Variants in NCF2 observed in about 807,000 individuals in gnomAD.
The protein encoded by NCF2 is neutrophil cytosol factor 2.
A neutral mutation model predicts 70.9 loss-of-function variants in NCF2; 45 were observed. That is an observed-to-expected ratio of 0.63 (90% CI 0.50 to 0.81). The LOEUF (loss-of-function observed/expected upper bound fraction) is 0.81. NCF2 is among the 40% of genes least tolerant of loss of function. The pLI is 0.00. For synonymous variants in NCF2, 203 were observed against 233.6 expected (o/e 0.87, Z 1.19); for missense variants, 522 against 631.6 (o/e 0.83, Z 1.86).
intron 6 of NCF2, 37 bp from the exon 7 acceptor site, chr1:183,569,222 C>T: frequency 1.2e-6 from 2 of 1,602,248 alleles, no homozygotes; most frequent in Non-Finnish European, 1.7e-6. Context: ...ACGGAAAAGG[C>T]AATGAGGGAA....
rs1222090455 is a variant in NCF2, at chr1:183,577,682, T to G, written c.283A>C (p.Lys95Gln). The G allele has an allele frequency of 6.2e-7, 1 of 1,613,800 alleles. No homozygotes were observed. Among genetic ancestry groups the G allele is most frequent in the East Asian group, 2.2e-5 (1 of 44,882 alleles). ...CCTCGAAGCTGAATCAAGGCTTCTT[T>G]AAGGTCTTTGATAGCCAAATCATAT... ...EKYDLAIKDL[K>Q]EALIQLRGNQ... The change falls in exon 3 of 15, where the codon AAA becomes CAA. Residue 95 changes from lysine (K) to glutamine (Q), a missense_variant. Transcript: ENST00000367535.
intron 6 of NCF2, among the ~76,000 whole-genome samples, chr1:183,570,176 G>A (rs761778310): frequency 6.6e-5 from 10 of 152,218 alleles, no homozygotes; most frequent in African/African-American, 9.7e-5. Flanking sequence ...CACAGAGTTC[G>A]TATTTTCCTT....
upstream of NCF2, among the ~76,000 whole-genome samples, chr1:183,591,640 G>T (rs1673654534): frequency 6.6e-6 from 1 of 151,894 alleles, no homozygotes; most frequent in African/African-American, 2.4e-5. Flanking sequence ...CTGCCACCAC[G>T]CCCTGCTAAT....
At chr1:183,592,467 T>C (rs964164104), upstream of NCF2, among the ~76,000 whole-genome samples, 1 of 152,214 alleles carries the variant, frequency 6.6e-6, no homozygotes, top group African/African-American at 2.4e-5. Context: ...AATTTATCTC[T>C]TTATCTGCTC....
intron 1 of NCF2, among the ~76,000 whole-genome samples, chr1:183,589,842 T>A (rs756205976): frequency 6.6e-6 from 1 of 152,186 alleles, no homozygotes; most frequent in African/African-American, 2.4e-5. Context: ...CAGAAGGAGT[T>A]CTGTGTAGAA....
chr1:183,580,877 G>A (rs1673030245), intron 2 of NCF2, among the ~76,000 whole-genome samples: 1 of 151,856 alleles, frequency 6.6e-6, no homozygotes, highest in South Asian at 2.1e-4. Flanking sequence ...TACTCAGGAG[G>A]GTGAGGCAGG....
At chr1:183,558,563 C>T (rs915258320) in intron 14 of NCF2, among the ~76,000 whole-genome samples, 14 of 149,732 alleles carry the variant, frequency 9.4e-5, no homozygotes, top group African/African-American at 2.5e-4. Context: ...CCACTGCACC[C>T]GGCCTATTTT....
chr1:183,589,957 C>T (rs925147870), intron 1 of NCF2, among the ~76,000 whole-genome samples, 199 bp downstream of exon 1: 2 of 152,144 alleles, frequency 1.3e-5, no homozygotes, highest in Non-Finnish European at 2.9e-5. Flanking sequence ...CCCTCACCTG[C>T]TCTCCACCTG....
chr1:183,573,292 T>C lies in NCF2; in HGVS notation c.502A>G (p.Lys168Glu). 3 of 1,613,640 alleles carry C rather than the reference T, an allele frequency of 1.9e-6. No individual in the cohort carries two copies. Among genetic ancestry groups the C allele is most frequent in the African/African-American group, 1.3e-5 (1 of 75,024 alleles). ...ACCACTGGCTCATATAGCTTCTGCT[T>C]CTGTAACACAGAAAACGTAGCATTC... Reference protein sequence around the residue: ...KIDKAMECVWKQKLYEPVVIP... With the variant: ...KIDKAMECVWEQKLYEPVVIP... Residue 168 changes from lysine to glutamate, a missense_variant and splice_region_variant, in exon 5 of 15, where the codon AAG (lysine) becomes GAG (glutamate). By Grantham distance (56) the Lys-to-Glu change is moderately conservative. Coordinates refer to ENST00000367535, the MANE Select transcript of NCF2 (RefSeq NM_000433.4).
At chr1:183,574,465 C>T in intron 4 of NCF2, 22 bp downstream of exon 4, 2 of 1,614,218 alleles carry the variant, frequency 1.2e-6, no homozygotes, top group Non-Finnish European at 8.5e-7. Flanking sequence ...CCTCTCAACA[C>T]CTGCATCACC....
At chr1:183,585,182 G>T (rs1437550676) in intron 2 of NCF2, among the ~76,000 whole-genome samples, 1 of 152,178 alleles carries the variant, frequency 6.6e-6, no homozygotes, top group Non-Finnish European at 1.5e-5. Flanking sequence ...CCAAACCATA[G>T]GATCAAAGCC....
the NCF2 span, among the ~76,000 whole-genome samples, chr1:183,600,806 C>T: frequency 4.4e-4 from 67 of 152,126 alleles, no homozygotes; most frequent in Non-Finnish European, 8.4e-4. Flanking sequence ...TCACTTCCTT[C>T]TCAGCACTAG....
At chr1:183,560,414 T>C (rs989047958) in intron 13 of NCF2, 141 bp from the exon 14 acceptor site, 13 of 941,796 alleles carry the variant, frequency 1.4e-5, no homozygotes, top group Non-Finnish European at 2.2e-5. Context: ...TGTGTAGAGC[T>C]TATATGCTCT....
upstream of NCF2, among the ~76,000 whole-genome samples, chr1:183,595,465 C>T (rs1338609876): frequency 6.6e-6 from 1 of 152,188 alleles, no homozygotes; most frequent in Non-Finnish European, 1.5e-5. Context: ...TGTACTATGT[C>T]ACAGTTTTCA....
At chr1:183,561,057 A>G (rs1164446489) in intron 13 of NCF2, among the ~76,000 whole-genome samples, 1 of 152,236 alleles carries the variant, frequency 6.6e-6, no homozygotes, top group Non-Finnish European at 1.5e-5. Flanking sequence ...TACTTGCTAA[A>G]GTTCAAAAAC....
the NCF2 span, among the ~76,000 whole-genome samples, chr1:183,599,633 C>T: frequency 2.6e-5 from 4 of 151,702 alleles, no homozygotes; most frequent in East Asian, 7.8e-4. Context: ...CTCACTGCAA[C>T]CTCCACCTCC....
At chr1:183,579,261 A>G (rs1447687618) in intron 2 of NCF2, among the ~76,000 whole-genome samples, 1 of 152,238 alleles carries the variant, frequency 6.6e-6, no homozygotes, top group Non-Finnish European at 1.5e-5. Flanking sequence ...CATATTGTAT[A>G]CAGGGACATA....
At chr1:183,590,099 T>G in intron 1 of NCF2, 57 bp downstream of exon 1, 185 of 1,608,210 alleles carry the variant, frequency 1.2e-4, no homozygotes, top group Non-Finnish European at 1.5e-4. Flanking sequence ...GCAATGGGGT[T>G]GAGAATCATA....
At position 183,561,779 on chromosome 1, in the gene NCF2, C is replaced by CT. The variant is rs57218247; in HGVS notation, c.1290+1415dup. ...TTCAGGCATAAACCATACCAGGCCT[C>CT]TTTTTTTTTTTTTTTTTTTTTTTTT... On this transcript the variant is annotated intron_variant, in intron 13 of 14. Coordinates refer to ENST00000367535, the MANE Select transcript of NCF2 (RefSeq NM_000433.4). Among the ~76,000 whole-genome samples, 94 of 65,162 alleles carry CT rather than the reference C, an allele frequency of 1.4e-3. 16 individuals are homozygous for CT. The highest frequency in any genetic ancestry group is 2.9e-3 in the African/African-American group (40 of 13,680). 42.7% of individuals were successfully genotyped at this position (65,162 alleles called of 152,430 possible).
Sources: allele counts gnomAD v4.1 joint callset (sites outside exome capture counted in the v4.1 genomes callset), GRCh38; gene constraint gnomAD v4.1.1; transcripts MANE v1.5; gene names NCBI Gene and HGNC (gene_info 2026-07-23, HGNC 2026-07-21).